Variants in CHST12 observed in about 807,000 individuals in gnomAD.
CHST12 encodes carbohydrate sulfotransferase 12, also known as carbohydrate (chondroitin 4) sulfotransferase 12.
A neutral mutation model predicts 27.9 loss-of-function variants in CHST12; 23 were observed. The ratio of observed to expected loss-of-function variants is 0.82; its 90% confidence interval spans 0.59 to 1.17. CHST12 has a LOEUF of 1.17. Among genes scored for constraint, CHST12 ranks in the 50% most tolerant of loss-of-function variants. CHST12 has a pLI of 0.00. For synonymous variants in CHST12, 322 were observed against 273.0 expected, an observed-to-expected ratio of 1.18 and a Z score of -1.77; for missense variants, 682 against 603.0, an observed-to-expected ratio of 1.13 and a Z score of -1.37.
intron 1 of CHST12, among the ~76,000 whole-genome samples, chr7:2,408,691 T>C (rs1246428078): frequency 6.6e-6 from 1 of 152,152 alleles, no homozygotes; most frequent in Non-Finnish European, 1.5e-5. Context: ...AACTTCAGAC[T>C]TGCTCCCAGA....
At chr7:2,421,466 T>A (rs1781973717) in intron 1 of CHST12, among the ~76,000 whole-genome samples, 1 of 149,144 alleles carries the variant, frequency 6.7e-6, no homozygotes, top group Non-Finnish European at 1.5e-5. Context: ...AGACGGAGTC[T>A]CGCTCTGTTG....
rs139981053 is a variant in CHST12 at position 2,440,134 on chromosome 7, C to T, written c.*6250C>T. ...TACTGATCTGAGCCAAGCACCATTC[C>T]GCAGGCATGCCTGAAATGACTCCCA... On this transcript the variant is annotated 3_prime_UTR_variant, in exon 2 of 2. Coordinates refer to ENST00000618655, the MANE Select transcript of CHST12 (RefSeq NM_018641.5). 1.7e-3 allele frequency: 254 copies of T among 153,592 alleles called. 3 individuals are homozygous for T. The highest frequency in any genetic ancestry group is 0.01 in the Middle Eastern group (14 of 1,358). 9.5% of individuals were successfully genotyped at this position (153,592 alleles called of 1,614,324 possible).
Position 2,442,976 on chromosome 7 carries a change from C to A in CHST12, c.*9092C>A, listed in dbSNP as rs972134591. 2.6e-5 allele frequency: 4 copies of A among 152,128 alleles called. No homozygotes were observed. Among genetic ancestry groups the A allele is most frequent in the African/African-American group, 9.7e-5 (4 of 41,428 alleles). The allele number at this position is 152,128 out of a possible 1,614,324, so 9.4% of individuals were successfully genotyped here. On this transcript the variant is annotated 3_prime_UTR_variant, in exon 2 of 2. Transcript: ENST00000618655. ...TTGCTCTTTCGCCTAGGCTGGAGTG[C>A]AGTGGCATGATCTCGGCTCACTGCA...
intron 1 of CHST12, among the ~76,000 whole-genome samples, chr7:2,429,554 C>A (rs529671772): frequency 6.6e-6 from 1 of 152,074 alleles, no homozygotes; most frequent in Non-Finnish European, 1.5e-5. Context: ...GGAGCTTTTA[C>A]GTTACAAATT....
rs1251332853 is a variant in CHST12 at position 2,441,420 on chromosome 7, G to T, written c.*7536G>T. On this transcript the variant is annotated 3_prime_UTR_variant, in exon 2 of 2. Coordinates refer to ENST00000618655, the MANE Select transcript of CHST12 (RefSeq NM_018641.5). ...GTAATGATAAGAATATGGCTGCAGG[G>T]GGCAGCTTATGCCTGTAATCCCACC... The T allele has an allele frequency of 2.0e-5, 3 of 152,170 alleles. No individual in the cohort carries two copies. The highest frequency in any genetic ancestry group is 4.8e-5 in the African/African-American group (2 of 41,432). The allele number at this position is 152,170 out of a possible 1,614,324, so 9.4% of individuals were successfully genotyped here. A position where few individuals can be genotyped will look rare whatever the true frequency, so the allele number is the denominator to read the frequency against.
chr7:2,414,588 ACTTT>A (rs960805280), intron 1 of CHST12, among the ~76,000 whole-genome samples: 6 of 152,124 alleles, frequency 3.9e-5, no homozygotes, highest in Non-Finnish European at 8.8e-5. Flanking sequence ...CCCAGCCTTT[ACTTT>A]CTTTAATGGT....
intron 1 of CHST12, among the ~76,000 whole-genome samples, chr7:2,423,898 C>G (rs891460540): frequency 5.3e-5 from 8 of 152,122 alleles, no homozygotes; most frequent in Admixed American, 1.3e-4. Context: ...AAGACCCTGT[C>G]TCTACCCAGA....
chr7:2,415,722 C>T (rs941061956), intron 1 of CHST12, among the ~76,000 whole-genome samples: 16 of 151,846 alleles, frequency 1.1e-4, no homozygotes, highest in Non-Finnish European at 1.9e-4. Flanking sequence ...ACGCCATTCT[C>T]CTGCCTCAGC....
chr7:2,433,783 G>T lies in CHST12; in HGVS notation c.1144G>T (p.Ala382Ser), dbSNP rs1304441024. The change falls in exon 2 of 2, where the codon GCC becomes TCC. Residue 382 changes from alanine (A) to serine (S), a missense_variant. Coordinates refer to ENST00000618655, the MANE Select transcript of CHST12 (RefSeq NM_018641.5). This position sits in a 1 kb window ranked among gnomAD's most constrained non-coding sequence, Gnocchi z 6.1. ...TASSWEEDWF[A>S]KIPLAWRQQL... ...CAGCAGCTGGGAGGAGGACTGGTTC[G>T]CCAAGATCCCCCTGGCCTGGAGGCA... The T allele has an allele frequency of 3.1e-6, 5 of 1,613,950 alleles. No homozygotes were observed. The East Asian group carries it at 1.1e-4, about 36-fold the overall frequency.
At chr7:2,409,865 T>TG (rs1300763577) in intron 1 of CHST12, among the ~76,000 whole-genome samples, 3 of 152,198 alleles carry the variant, frequency 2.0e-5, no homozygotes, top group Non-Finnish European at 4.4e-5. Flanking sequence ...AGGGTTTCCT[T>TG]GCTCTGATTT....
rs565364041 is a variant in CHST12, at chr7:2,426,443, G to A, written c.-77-6120G>A. Among the ~76,000 whole-genome samples, 30 of 152,310 alleles carry A rather than the reference G, an allele frequency of 2.0e-4. 1 individual carries two copies. Among genetic ancestry groups the A allele is most frequent in the African/African-American group, 7.0e-4 (29 of 41,570 alleles). ...ACACACCCCAAATAAGCACACAGTT[G>A]CTGATGGGACCTATGGAGAGTGCAT... On this transcript the variant is annotated intron_variant, in intron 1 of 1. Coordinates refer to ENST00000618655, the MANE Select transcript of CHST12 (RefSeq NM_018641.5).
At chr7:2,407,583 G>A (rs918405983) in intron 1 of CHST12, among the ~76,000 whole-genome samples, 2 of 152,242 alleles carry the variant, frequency 1.3e-5, no homozygotes, top group East Asian at 1.9e-4. Context: ...CCAGTACCAC[G>A]GGTGAAAATG....
intron 1 of CHST12, among the ~76,000 whole-genome samples, chr7:2,416,210 G>T (rs776309915): frequency 2.0e-5 from 3 of 152,148 alleles, no homozygotes; most frequent in Non-Finnish European, 2.9e-5. Context: ...CATCTGTTCA[G>T]CTTTGAACAT....
At chr7:2,431,515 G>A (rs574857329) in intron 1 of CHST12, among the ~76,000 whole-genome samples, 1 of 152,320 alleles carries the variant, frequency 6.6e-6, no homozygotes, top group African/African-American at 2.4e-5. Context: ...GGACTCTCCT[G>A]CCTCACACCA....
At position 2,441,762 on chromosome 7, in the gene CHST12, T is replaced by G. The variant is rs983968302; in HGVS notation, c.*7878T>G. The G allele has an allele frequency of 6.6e-6, 1 of 152,036 alleles. No individual in the cohort carries two copies. Among genetic ancestry groups the G allele is most frequent in the Non-Finnish European group, 1.5e-5 (1 of 67,994 alleles). 9.4% of individuals were successfully genotyped at this position (152,036 alleles called of 1,614,324 possible). A position where few individuals can be genotyped will look rare whatever the true frequency, so the allele number is the denominator to read the frequency against. Reference sequence around the variant, plus strand: ...GGCCATCCTGTTTAGAAGAGTGGGTTTCTCATAAGAAAAAAAAGAAAAAGG... The same window carrying G: ...GGCCATCCTGTTTAGAAGAGTGGGTGTCTCATAAGAAAAAAAAGAAAAAGG... On this transcript the variant is annotated 3_prime_UTR_variant, in exon 2 of 2. Transcript: ENST00000618655.
In CHST12 at chr7:2,445,490, G is replaced by C. The variant is rs921162779; in HGVS notation, c.*11606G>C. ...TTCCTTTTTGAGACGGAATCTCACT[G>C]TGTCGCCCAGGCTCACTGCAACCTA... On this transcript the variant is annotated 3_prime_UTR_variant, in exon 2 of 2. Coordinates refer to ENST00000618655, the MANE Select transcript of CHST12 (RefSeq NM_018641.5). The C allele has an allele frequency of 6.6e-6, 1 of 152,254 alleles. No individual in the cohort carries two copies. Among genetic ancestry groups the C allele is most frequent in the African/African-American group, 2.4e-5 (1 of 41,452 alleles). 9.4% of individuals were successfully genotyped at this position (152,254 alleles called of 1,614,324 possible).
Position 2,434,076 on chromosome 7 carries a change from C to A in CHST12, c.*192C>A. On this transcript the variant is annotated 3_prime_UTR_variant, in exon 2 of 2. Transcript: ENST00000618655. Reference sequence around the variant, plus strand: ...TTAATACGAAATGTGGAAGGGAATGCTGGAGTAAAATATCCCCTCTCCCCT... The same window carrying A: ...TTAATACGAAATGTGGAAGGGAATGATGGAGTAAAATATCCCCTCTCCCCT... 1 of 498,178 alleles carries A rather than the reference C, an allele frequency of 2.0e-6. No individual in the cohort carries two copies. The highest frequency in any genetic ancestry group is 4.4e-5 in the South Asian group (1 of 22,958). The allele number at this position is 498,178 out of a possible 1,614,324, so 30.9% of individuals were successfully genotyped here.
intron 1 of CHST12, among the ~76,000 whole-genome samples, chr7:2,424,817 C>T (rs998317503): frequency 6.6e-6 from 1 of 152,158 alleles, no homozygotes; most frequent in Non-Finnish European, 1.5e-5. Context: ...CAGAGCTCCC[C>T]TTCCACAAGA....
In CHST12 at chr7:2,432,811, A is replaced by G. The variant is rs769271363; in HGVS notation, c.172A>G (p.Arg58Gly). Residue 58 changes from arginine (R) to glycine (G), a missense_variant, in exon 2 of 2, where the codon AGG (arginine) becomes GGG (glycine). Physicochemically the swap from Arg to Gly is moderately radical, Grantham distance 125. Coordinates refer to ENST00000618655, the MANE Select transcript of CHST12 (RefSeq NM_018641.5). Reference protein sequence around the residue: ...PLPTPGPDRDRELTADSDVDE... With the variant: ...PLPTPGPDRDGELTADSDVDE... ...GCCCACGCCCGGGCCGGACAGGGAC[A>G]GGGAGCTCACGGCCGACTCCGATGT... 1.6e-5 allele frequency: 26 copies of G among 1,613,796 alleles called. No individual in the cohort carries two copies. The South Asian group carries it at 2.7e-4, about 17-fold the overall frequency.
Sources: allele counts gnomAD v4.1 joint callset (sites outside exome capture counted in the v4.1 genomes callset), GRCh38; gene constraint gnomAD v4.1.1; non-coding constraint Gnocchi (gnomAD v3.1); transcripts MANE v1.5; gene names NCBI Gene and HGNC (gene_info 2026-07-23, HGNC 2026-07-21).